The following ALG14 variants were observed in gnomAD, a reference collection of about 807,000 sequenced individuals.
ALG14 encodes UDP-N-acetylglucosamine transferase subunit ALG14.
In ALG14, 17 loss-of-function variants were observed where a neutral mutation model predicts 22.8. The ratio of observed to expected loss-of-function variants is 0.75; its 90% CI spans 0.51 to 1.12. The LOEUF (loss-of-function observed/expected upper bound fraction) is 1.12, where lower values mean the gene tolerates loss of function less well. Among genes scored for constraint, ALG14 ranks in the 50% most tolerant of loss-of-function variants. The probability of loss-of-function intolerance (pLI) is 0.00; values close to 1 mark genes in which losing one functional copy is unlikely to be tolerated. For missense variants in ALG14, 288 were observed against 271.8 expected (o/e 1.06, Z -0.42); for synonymous variants, 89 against 103.7 (o/e 0.86, Z 0.86).
intron 2 of ALG14, among the ~76,000 whole-genome samples, chr1:95,044,872 A>AT (rs145634022): frequency 2.4e-3 from 357 of 150,560 alleles, no homozygotes; most frequent in African/African-American, 4.3e-3. Context: ...TAAACAAAGT[A>AT]TTTTTTTTTT....
At chr1:95,055,767 C>T (rs1043393290) in intron 2 of ALG14, among the ~76,000 whole-genome samples, 14 of 129,608 alleles carry the variant, frequency 1.1e-4, no homozygotes, top group African/African-American at 2.0e-4. Flanking sequence ...CCCAGGCGGG[C>T]GGATCACGAG....
intron 3 of ALG14, among the ~76,000 whole-genome samples, chr1:95,005,207 A>C (rs1474188392): frequency 6.6e-6 from 1 of 152,154 alleles, no homozygotes; most frequent in African/African-American, 2.4e-5. Flanking sequence ...GGCAATCGTT[A>C]CTCTAGAAAT....
intron 2 of ALG14, 40 bp from the exon 3 acceptor site, chr1:95,027,300 T>C: frequency 6.2e-6 from 10 of 1,608,062 alleles, no homozygotes; most frequent in Non-Finnish European, 8.5e-6. Context: ...ACTGAGTCAC[T>C]GATATCAAAG....
At chr1:95,000,777 TAAAAAAAAAAAA>T (rs56810994) in intron 3 of ALG14, among the ~76,000 whole-genome samples, 3 of 65,222 alleles carry the variant, frequency 4.6e-5, no homozygotes, top group African/African-American at 1.1e-4. Flanking sequence ...TATGCCACAC[TAAAAAAAAAAAA>T]AAAAAAAAAA....
At chr1:95,000,616 T>C (rs983617129) in intron 3 of ALG14, among the ~76,000 whole-genome samples, 22 of 151,096 alleles carry the variant, frequency 1.5e-4, no homozygotes, top group African/African-American at 4.9e-4. Context: ...TACAACCAGT[T>C]GTGCACTTCT....
chr1:94,999,343 A>ATTTT (rs548389921), intron 3 of ALG14, among the ~76,000 whole-genome samples: 3 of 108,770 alleles, frequency 2.8e-5, no homozygotes, highest in Non-Finnish European at 3.7e-5. Flanking sequence ...CAGTAGACCC[A>ATTTT]TTTTTTTTTT....
chr1:94,997,238 A>G (rs993033623), intron 3 of ALG14, among the ~76,000 whole-genome samples: 2 of 152,260 alleles, frequency 1.3e-5, no homozygotes, highest in South Asian at 4.1e-4. Context: ...TGAGGGCACA[A>G]TAAGTAGGGC....
intron 3 of ALG14, among the ~76,000 whole-genome samples, chr1:94,992,732 A>C (rs994461149): frequency 3.3e-5 from 5 of 152,164 alleles, no homozygotes; most frequent in African/African-American, 1.2e-4. Flanking sequence ...CAGTTCTAAC[A>C]TATTCTCTTC....
chr1:95,053,556 T>C (rs923800213), intron 2 of ALG14, among the ~76,000 whole-genome samples: 1 of 152,002 alleles, frequency 6.6e-6, no homozygotes, highest in Non-Finnish European at 1.5e-5. Context: ...GGGATTTTTG[T>C]TTTTTTTGTT....
At chr1:95,033,378 AATAC>A (rs539539567) in intron 2 of ALG14, among the ~76,000 whole-genome samples, 18 of 148,834 alleles carry the variant, frequency 1.2e-4, no homozygotes, top group Admixed American at 2.7e-4. Context: ...GGGGCTGAGA[AATAC>A]ATACATACAT....
At chr1:95,058,989 G>T (rs553516127) in intron 2 of ALG14, among the ~76,000 whole-genome samples, 5 of 151,932 alleles carry the variant, frequency 3.3e-5, no homozygotes, top group Admixed American at 3.3e-4. Flanking sequence ...TCACAAATAA[G>T]GTTTTTGGCT....
intron 1 of ALG14, 81 bp from the exon 2 acceptor site, chr1:95,065,098 G>A (rs1675311237): frequency 7.7e-7 from 1 of 1,300,764 alleles, no homozygotes; most frequent in Admixed American, 2.8e-5. Flanking sequence ...CAATATCATG[G>A]TTTCAGGTTG....
intron 2 of ALG14, among the ~76,000 whole-genome samples, chr1:95,053,276 T>C (rs946509181): frequency 2.0e-5 from 3 of 152,140 alleles, no homozygotes. Context: ...AAATAGATTT[T>C]TTTTTAAAAA....
intron 2 of ALG14, among the ~76,000 whole-genome samples, chr1:95,043,457 A>G (rs979400215): frequency 7.9e-5 from 12 of 152,196 alleles, no homozygotes; most frequent in South Asian, 4.1e-4. Flanking sequence ...CAAAATGTCA[A>G]TAGTGACGAG....
chr1:95,001,939 G>A (rs1309185275), intron 3 of ALG14, among the ~76,000 whole-genome samples: 4 of 152,214 alleles, frequency 2.6e-5, no homozygotes, highest in Non-Finnish European at 5.9e-5. Flanking sequence ...AGGCCACATA[G>A]CTAATAAACT....
At position 95,058,242 on chromosome 1, in the gene ALG14, C is replaced by T. The variant is rs548562937; in HGVS notation, c.288+6624G>A. Reference sequence around the variant, plus strand: ...CGGAAGTTGCCATGAGCCAAGATCACGCCACTGCACTCTAGCCTGGCAACA... The same window carrying T: ...CGGAAGTTGCCATGAGCCAAGATCATGCCACTGCACTCTAGCCTGGCAACA... On this transcript the variant is annotated intron_variant, in intron 2 of 3. Coordinates refer to ENST00000370205, the MANE Select transcript of ALG14 (RefSeq NM_144988.4). Among the ~76,000 whole-genome samples, 498 of 134,178 alleles carry T rather than the reference C, an allele frequency of 3.7e-3. 2 individuals carry two copies. The highest frequency in any genetic ancestry group is 0.014 in the African/African-American group (480 of 34,500). The allele number at this position is 134,178 out of a possible 152,430, so 88.0% of individuals were successfully genotyped here. A position where few individuals can be genotyped will look rare whatever the true frequency, so the allele number is the denominator to read the frequency against.
rs185838476 is a variant in ALG14 at position 95,009,327 on chromosome 1, T to C, written c.420+17802A>G. On this transcript the variant is annotated intron_variant, in intron 3 of 3. Coordinates refer to ENST00000370205, the MANE Select transcript of ALG14 (RefSeq NM_144988.4). ...AATTTATTAATTTAGGAACCATACA[T>C]TGTGAAAATTTTTACTCTTCACTAT... 2.6e-5 allele frequency among the ~76,000 whole-genome samples: 4 copies of C among 152,096 alleles called. No homozygotes were observed. The East Asian group carries it at 7.7e-4, about 29-fold the overall frequency.
At chr1:95,014,832 T>C (rs975984178) in intron 3 of ALG14, among the ~76,000 whole-genome samples, 5 of 152,308 alleles carry the variant, frequency 3.3e-5, no homozygotes, top group East Asian at 1.9e-4. Context: ...ACCATATTAA[T>C]AGTTTCAGGC....
At chr1:95,006,782 G>T (rs554161232) in intron 3 of ALG14, among the ~76,000 whole-genome samples, 1 of 152,338 alleles carries the variant, frequency 6.6e-6, no homozygotes, top group South Asian at 2.1e-4. Context: ...CCTCTGTGGT[G>T]TCTCTTCTGG....
Sources: gnomAD v4.1 joint callset for allele counts (sites outside exome capture counted in the v4.1 genomes callset) on GRCh38, gnomAD v4.1.1 for gene constraint, MANE v1.5 for transcripts, NCBI Gene and HGNC (gene_info 2026-07-23, HGNC 2026-07-21) for gene names.